Variants in CDH12 observed in about 807,000 individuals in gnomAD.
The protein encoded by CDH12 is cadherin-12.
Under a neutral mutation model 74.1 loss-of-function variants are expected in CDH12, and 41 were observed. That is an observed-to-expected ratio of 0.55 (90% confidence interval 0.43 to 0.72). The LOEUF (loss-of-function observed/expected upper bound fraction) is 0.72, where lower values mean the gene tolerates loss of function less well. Ranked by LOEUF, CDH12 falls within the 30% of genes least tolerant of loss-of-function variation. CDH12 has a pLI of 0.00. For missense variants in CDH12, 945 were observed against 977.2 expected (o/e 0.97, Z 0.44); for synonymous variants, 399 against 355.0 (o/e 1.12, Z -1.39).
intron 4 of CDH12, among the ~76,000 whole-genome samples, chr5:22,102,288 A>T (rs2150250667): frequency 6.6e-6 from 1 of 152,278 alleles, no homozygotes; most frequent in African/African-American, 2.4e-5. Context: ...TGTAACCAAG[A>T]TACGGGTTCT....
At chr5:22,545,571 C>A (rs1377572039) in intron 1 of CDH12, among the ~76,000 whole-genome samples, 1 of 152,148 alleles carries the variant, frequency 6.6e-6, no homozygotes, top group Non-Finnish European at 1.5e-5. Context: ...ATTTCTAACT[C>A]GCAGTCTCAA....
intron 6 of CDH12, among the ~76,000 whole-genome samples, chr5:21,934,656 T>C (rs115843766): frequency 0.014 from 2,206 of 152,326 alleles, 61 homozygotes; most frequent in African/African-American, 0.05. Context: ...TTGGTGTCTG[T>C]GAGTTTATGT....
intron 1 of CDH12, among the ~76,000 whole-genome samples, chr5:22,628,010 A>G (rs568958747): frequency 2.2e-4 from 34 of 152,304 alleles, no homozygotes; most frequent in African/African-American, 5.1e-4. Context: ...AAAGAAGGGT[A>G]TTACATAATG....
At chr5:22,785,522 T>C (rs1431020619) in intron 1 of CDH12, among the ~76,000 whole-genome samples, 2 of 152,106 alleles carry the variant, frequency 1.3e-5, no homozygotes, top group Non-Finnish European at 2.9e-5. Context: ...TGGTTTTTTG[T>C]TTTATTTATT....
chr5:22,565,560 G>C (rs1338072438), intron 1 of CDH12, among the ~76,000 whole-genome samples: 2 of 152,120 alleles, frequency 1.3e-5, no homozygotes, highest in South Asian at 2.1e-4. Context: ...ATCATTTGCT[G>C]CCCAACATAT....
chr5:22,824,183 A>G (rs542592342), intron 1 of CDH12, among the ~76,000 whole-genome samples: 63 of 152,266 alleles, frequency 4.1e-4, no homozygotes, highest in African/African-American at 1.5e-3. Context: ...TCAACTAAAG[A>G]TTGTATACAA....
intron 1 of CDH12, among the ~76,000 whole-genome samples, chr5:22,586,956 C>T (rs1740436174): frequency 6.7e-6 from 1 of 149,644 alleles, no homozygotes; most frequent in Non-Finnish European, 1.5e-5. Flanking sequence ...AAGTGATTCT[C>T]GTATCTCAGC....
At chr5:22,552,091 C>G (rs577606059) in intron 1 of CDH12, among the ~76,000 whole-genome samples, 4 of 152,056 alleles carry the variant, frequency 2.6e-5, no homozygotes, top group Admixed American at 2.0e-4. Context: ...CTGGAAGATA[C>G]AGTGTCTTGT....
At chr5:22,314,434 G>A (rs1197677931) in intron 3 of CDH12, among the ~76,000 whole-genome samples, 1 of 152,088 alleles carries the variant, frequency 6.6e-6, no homozygotes, top group African/African-American at 2.4e-5. Flanking sequence ...CGGGTTGCAC[G>A]CACACAGAGA....
chr5:21,915,822 C>CTGTGTGTGTGTGTG (rs36126825), intron 6 of CDH12, among the ~76,000 whole-genome samples: 20 of 140,128 alleles, frequency 1.4e-4, no homozygotes, highest in African/African-American at 4.0e-4. Context: ...ATCATTTGTG[C>CTGTGTGTGTGTGTG]TGTGTGTGTG....
At chr5:21,778,509 G>A (rs1162835180) in intron 11 of CDH12, among the ~76,000 whole-genome samples, 9 of 141,504 alleles carry the variant, frequency 6.4e-5, no homozygotes, top group South Asian at 4.5e-4. Context: ...CGATTCTGCC[G>A]GAAAAATCTC....
In CDH12 at chr5:22,431,083, T is replaced by A. The variant is rs142389655; in HGVS notation, c.-427-25732A>T. 9.2e-5 allele frequency among the ~76,000 whole-genome samples: 14 copies of A among 152,308 alleles called. No individual in the cohort carries two copies. In the East Asian group the frequency reaches 2.1e-3, roughly 23 times the overall value. On this transcript the variant is annotated intron_variant, in intron 2 of 14. Transcript: ENST00000382254. The stretch of plus-strand genomic sequence containing the variant: ...GTATATTTCTCCTTTATCCATTGAG[T>A]TACGGATTACAAAAATAGCTCAGTT...
At chr5:22,611,816 G>A (rs1185354275) in intron 1 of CDH12, among the ~76,000 whole-genome samples, 1 of 152,066 alleles carries the variant, frequency 6.6e-6, no homozygotes, top group African/African-American at 2.4e-5. Flanking sequence ...GCCTTCAAGG[G>A]CAAAGATTAG....
At chr5:22,266,358 C>T (rs1365863419) in intron 3 of CDH12, among the ~76,000 whole-genome samples, 2 of 152,068 alleles carry the variant, frequency 1.3e-5, no homozygotes, top group East Asian at 1.9e-4. Context: ...CAGGTGTGAG[C>T]CACCATGCCT....
chr5:22,463,665 C>T (rs191854713), intron 2 of CDH12, among the ~76,000 whole-genome samples: 7 of 151,906 alleles, frequency 4.6e-5, no homozygotes, highest in Admixed American at 2.6e-4. Context: ...GAATATTTAA[C>T]GTTTTTAAAC....
intron 3 of CDH12, among the ~76,000 whole-genome samples, chr5:22,280,893 T>C (rs1221295189): frequency 1.3e-5 from 2 of 152,116 alleles, no homozygotes; most frequent in Admixed American, 1.3e-4. Flanking sequence ...ATCATCCAGA[T>C]ACCAAAGCCT....
chr5:22,327,008 AT>A (rs1414055401), intron 3 of CDH12, among the ~76,000 whole-genome samples: 1 of 152,192 alleles, frequency 6.6e-6, no homozygotes, highest in African/African-American at 2.4e-5. Flanking sequence ...AAAATAATAA[AT>A]TTGGGGGATT....
At chr5:22,624,442 G>A (rs1051358967) in intron 1 of CDH12, among the ~76,000 whole-genome samples, 4 of 151,994 alleles carry the variant, frequency 2.6e-5, no homozygotes, top group African/African-American at 9.7e-5. Context: ...AATCTACAAA[G>A]AACTCAAACA....
intron 1 of CDH12, among the ~76,000 whole-genome samples, chr5:22,800,805 T>G (rs1050183080): frequency 6.6e-6 from 1 of 152,186 alleles, no homozygotes; most frequent in African/African-American, 2.4e-5. Flanking sequence ...ATATGTCAAT[T>G]TTTTAGATTG....
Sources: gnomAD v4.1 joint callset for allele counts (sites outside exome capture counted in the v4.1 genomes callset) on GRCh38, gnomAD v4.1.1 for gene constraint, MANE v1.5 for transcripts, NCBI Gene and HGNC (gene_info 2026-07-23, HGNC 2026-07-21) for gene names.